STIM1: variants seen among roughly 807,000 people sequenced by gnomAD.
STIM1 encodes stromal interaction molecule 1.
In STIM1, 25 loss-of-function variants were observed where a neutral mutation model predicts 74.7. That is an observed-to-expected ratio of 0.33 (90% CI 0.24 to 0.47). The LOEUF is 0.47. STIM1 is among the 20% of genes least tolerant of loss of function. The pLI is 1.00. For synonymous variants in STIM1, 328 were observed against 348.8 expected, an observed-to-expected ratio of 0.94 and a Z score of 0.66; for missense variants, 728 against 920.8, an observed-to-expected ratio of 0.79 and a Z score of 2.71.
At chr11:3,956,194 A>G (rs970091942) in intron 1 of STIM1, among the ~76,000 whole-genome samples, 2 of 152,198 alleles carry the variant, frequency 1.3e-5, no homozygotes, top group African/African-American at 2.4e-5. Flanking sequence ...TTCAGCTAGT[A>G]TGCACTAGCA....
chr11:3,979,183 C>G (rs1180036539), intron 2 of STIM1, among the ~76,000 whole-genome samples: 1 of 152,102 alleles, frequency 6.6e-6, no homozygotes, highest in East Asian at 1.9e-4. Context: ...GATGTTATTA[C>G]CATAATTAAT....
intron 1 of STIM1, among the ~76,000 whole-genome samples, chr11:3,930,160 A>G (rs1470746220): frequency 1.3e-5 from 2 of 152,204 alleles, no homozygotes; most frequent in Non-Finnish European, 2.9e-5. Flanking sequence ...GGATTGAAAA[A>G]AAACCCAAAC....
At chr11:4,005,184 A>G (rs1465007760) in intron 2 of STIM1, among the ~76,000 whole-genome samples, 1 of 152,240 alleles carries the variant, frequency 6.6e-6, no homozygotes, top group Non-Finnish European at 1.5e-5. Context: ...GCGACTCCTC[A>G]GGGATCTAGA....
At chr11:3,940,039 T>A (rs2092985967) in intron 1 of STIM1, among the ~76,000 whole-genome samples, 1 of 152,260 alleles carries the variant, frequency 6.6e-6, no homozygotes, top group Non-Finnish European at 1.5e-5. Context: ...CAAGAGTGAC[T>A]CATAGACTTC....
At chr11:3,937,278 G>A (rs1327694262) in intron 1 of STIM1, among the ~76,000 whole-genome samples, 3 of 109,390 alleles carry the variant, frequency 2.7e-5, no homozygotes, top group South Asian at 6.4e-4. Context: ...GCAACAGAGC[G>A]AGACTTCATC....
chr11:4,042,007 C>T (rs2094151721), intron 3 of STIM1, among the ~76,000 whole-genome samples: 1 of 152,196 alleles, frequency 6.6e-6, no homozygotes, highest in Admixed American at 6.5e-5. Context: ...TCCTGCCAGA[C>T]CTCATTCTCT....
intron 1 of STIM1, among the ~76,000 whole-genome samples, chr11:3,941,295 G>T (rs1181787627): frequency 6.6e-6 from 1 of 152,152 alleles, no homozygotes; most frequent in African/African-American, 2.4e-5. Context: ...ATCCATGAAA[G>T]TGGTAAGCAA....
At chr11:4,066,593 A>T (rs2094367015) in intron 5 of STIM1, among the ~76,000 whole-genome samples, 2 of 152,052 alleles carry the variant, frequency 1.3e-5, no homozygotes, top group Admixed American at 6.6e-5. Context: ...CTCTCCTGTA[A>T]TTCCACTTTG....
At chr11:3,991,673 G>T (rs1251418288) in intron 2 of STIM1, among the ~76,000 whole-genome samples, 4 of 151,360 alleles carry the variant, frequency 2.6e-5, no homozygotes, top group African/African-American at 7.3e-5. Flanking sequence ...CTGTGGCCGG[G>T]CGCGGTGGCT....
intron 2 of STIM1, among the ~76,000 whole-genome samples, chr11:4,015,664 G>T (rs912850095): frequency 6.6e-6 from 1 of 152,144 alleles, no homozygotes; most frequent in African/African-American, 2.4e-5. Flanking sequence ...CATTCTCCCT[G>T]TCACTTTCAG....
At chr11:3,956,055 G>T (rs565434673) in intron 1 of STIM1, among the ~76,000 whole-genome samples, 139 of 151,694 alleles carry the variant, frequency 9.2e-4, no homozygotes, top group Admixed American at 2.6e-3. Context: ...TACTGGAGAT[G>T]AAATCAGAAA....
chr11:3,967,023 T>C (rs2093346389), intron 1 of STIM1, among the ~76,000 whole-genome samples: 1 of 152,244 alleles, frequency 6.6e-6, no homozygotes, highest in Admixed American at 6.5e-5. Context: ...GTTTCCCCAG[T>C]CAATGGCTGA....
At chr11:4,050,429 T>C (rs2094230316) in intron 3 of STIM1, among the ~76,000 whole-genome samples, 1 of 152,214 alleles carries the variant, frequency 6.6e-6, no homozygotes, top group South Asian at 2.1e-4. Context: ...CATTAGTCTC[T>C]CTGGGGATGC....
intron 2 of STIM1, 27 bp from the exon 3 acceptor site, chr11:4,023,846 T>C (rs1590656628): frequency 1.3e-6 from 2 of 1,592,548 alleles, no homozygotes; most frequent in African/African-American, 2.7e-5. Context: ...AGGTATCTCT[T>C]GTGACTTGTG....
intron 3 of STIM1, among the ~76,000 whole-genome samples, chr11:4,028,035 T>C (rs1041527278): frequency 1.2e-4 from 19 of 152,244 alleles, no homozygotes; most frequent in African/African-American, 4.3e-4. Context: ...ACTGTTTCTC[T>C]TCTCCTTTCC....
chr11:4,007,070 A>G (rs2093789335), intron 2 of STIM1, among the ~76,000 whole-genome samples: 1 of 152,078 alleles, frequency 6.6e-6, no homozygotes, highest in Admixed American at 6.6e-5. Context: ...TCACTACTTC[A>G]CTACTGCTTG....
intron 2 of STIM1, among the ~76,000 whole-genome samples, chr11:4,023,015 C>A (rs1300506915): frequency 1.3e-5 from 2 of 152,162 alleles, no homozygotes; most frequent in Non-Finnish European, 2.9e-5. Flanking sequence ...GATTATCAAA[C>A]AATTTGTGGA....
chr11:3,929,358 C>T (rs991040504), intron 1 of STIM1, among the ~76,000 whole-genome samples: 3 of 152,166 alleles, frequency 2.0e-5, no homozygotes, highest in Admixed American at 6.5e-5. Context: ...CTTGCATTTA[C>T]GGAGCCCCTT....
chr11:4,025,535 A>G (rs2093991898), intron 3 of STIM1, among the ~76,000 whole-genome samples: 1 of 152,216 alleles, frequency 6.6e-6, no homozygotes, highest in African/African-American at 2.4e-5. Flanking sequence ...TTCCATTAGC[A>G]TCATTTAGTT....
Sources: gnomAD v4.1 joint callset for allele counts (sites outside exome capture counted in the v4.1 genomes callset) on GRCh38, gnomAD v4.1.1 for gene constraint, MANE v1.5 for transcripts, NCBI Gene and HGNC (gene_info 2026-07-23, HGNC 2026-07-21) for gene names.